The following TSTD2 variants were observed in gnomAD, a reference collection of about 807,000 sequenced individuals.
TSTD2 encodes thiosulfate sulfurtransferase like domain containing 2, also known as thiosulfate sulfurtransferase/rhodanese-like domain-containing protein 2.
TSTD2 carries 37 observed loss-of-function variants against 47.9 expected under a neutral mutation model. That is an observed-to-expected ratio of 0.77 (90% CI 0.59 to 1.02). The LOEUF (loss-of-function observed/expected upper bound fraction) is 1.02. Among genes scored for constraint, TSTD2 ranks in the 50% least tolerant of loss-of-function variants. The pLI is 0.00. For synonymous variants in TSTD2, 201 were observed against 215.9 expected (o/e 0.93, Z 0.61); for missense variants, 586 against 616.0 (o/e 0.95, Z 0.52).
chr9:97,617,891 A>G lies in TSTD2; in HGVS notation c.483-14T>C, dbSNP rs1278502630. 3 of 1,604,938 alleles carry G rather than the reference A, an allele frequency of 1.9e-6. No individual in the cohort carries two copies. The African/African-American group carries it at 4.0e-5, about 22-fold the overall frequency. ...CTGCCCTGGCCACTATAAAATGAAA[A>G]TCCAAGGCAAAGAGCATTTGAGTCG... On this transcript the variant is annotated splice_polypyrimidine_tract_variant and intron_variant, in intron 3 of 9. Coordinates refer to ENST00000341170, the MANE Select transcript of TSTD2 (RefSeq NM_139246.5).
chr9:97,609,818 T>C (rs1223742198), intron 6 of TSTD2, among the ~76,000 whole-genome samples: 1 of 152,176 alleles, frequency 6.6e-6, no homozygotes, highest in Non-Finnish European at 1.5e-5. Context: ...GCATGATAGG[T>C]ACATAGAACT....
At chr9:97,605,759 C>A (rs903709368) in intron 7 of TSTD2, 118 bp from the exon 8 acceptor site, 11 of 1,271,672 alleles carry the variant, frequency 8.7e-6, no homozygotes, top group Non-Finnish European at 1.2e-5. Flanking sequence ...AGTTGCTAAT[C>A]TCATCCCCAC....
At chr9:97,604,411 G>A (rs1016846345) in intron 9 of TSTD2, 2 of 236,998 alleles carry the variant, frequency 8.4e-6, no homozygotes, top group Non-Finnish European at 1.6e-5. Flanking sequence ...TCCAGGTTAA[G>A]AGCCCTGAAT....
intron 1 of TSTD2, among the ~76,000 whole-genome samples, chr9:97,631,008 C>T (rs765465877): frequency 6.6e-6 from 1 of 152,352 alleles, no homozygotes; most frequent in Non-Finnish European, 1.5e-5. Flanking sequence ...TCGTCTTCCC[C>T]AGTCTTCCTT....
In TSTD2 at chr9:97,628,116, G is replaced by A. The variant is rs565942300; in HGVS notation, c.-50-504C>T. Among the ~76,000 whole-genome samples, 23 of 152,330 alleles carry A rather than the reference G, an allele frequency of 1.5e-4. No individual in the cohort carries two copies. In the South Asian group the frequency reaches 4.3e-3, roughly 29 times the overall value. ...ATCAAGATGTGTGCCAGCACCTTCA[G>A]TTATAAACACTTTCTTCTTTTTGCC... On this transcript the variant is annotated intron_variant, in intron 1 of 9. Transcript: ENST00000341170.
chr9:97,601,249 T>C lies in TSTD2; in HGVS notation c.*1220A>G. On this transcript the variant is annotated 3_prime_UTR_variant, in exon 10 of 10. Transcript: ENST00000341170. ...CAATATAATATTAAATCTGTTGGTC[T>C]ATGCATGGCTGCGTATGTGTTTCTT... is the stretch of plus-strand genomic sequence containing the variant. The C allele has an allele frequency of 8.1e-7, 1 of 1,229,424 alleles. No homozygotes were observed. Among genetic ancestry groups the C allele is most frequent in the South Asian group, 1.4e-5 (1 of 69,152 alleles). 76.2% of individuals were successfully genotyped at this position (1,229,424 alleles called of 1,614,324 possible).
chr9:97,628,262 G>T (rs1374769184), intron 1 of TSTD2, among the ~76,000 whole-genome samples: 1 of 152,144 alleles, frequency 6.6e-6, no homozygotes, highest in African/African-American at 2.4e-5. Flanking sequence ...TGTCAAAATG[G>T]ACACACTACA....
chr9:97,602,334 G>T lies in TSTD2; in HGVS notation c.*135C>A. On this transcript the variant is annotated 3_prime_UTR_variant, in exon 10 of 10. Transcript: ENST00000341170. ...TCCTCCCCTCCCGCTGTGAAGTGTAGACGGCTGCCACGGTGGCAGCGGCCA... is the reference window on the plus strand; with the variant it reads ...TCCTCCCCTCCCGCTGTGAAGTGTATACGGCTGCCACGGTGGCAGCGGCCA... 9.4e-7 allele frequency: 1 copy of T among 1,063,990 alleles called. No individual in the cohort carries two copies. The allele number at this position is 1,063,990 out of a possible 1,614,324, so 65.9% of individuals were successfully genotyped here. A position where few individuals can be genotyped will look rare whatever the true frequency, so the allele number is the denominator to read the frequency against.
In TSTD2 at chr9:97,601,760, T is replaced by G. The variant is rs971759133; in HGVS notation, c.*709A>C. On this transcript the variant is annotated 3_prime_UTR_variant, in exon 10 of 10. Coordinates refer to ENST00000341170, the MANE Select transcript of TSTD2 (RefSeq NM_139246.5). ...ACCCTTGAACAATATGGGTTTGAAC[T>G]GCATGGCTGCACTTATATATGGATT... The G allele has an allele frequency of 1.6e-4, 30 of 188,756 alleles. No individual in the cohort carries two copies. The highest frequency in any genetic ancestry group is 2.6e-4 in the Admixed American group (4 of 15,332). The allele number at this position is 188,756 out of a possible 1,614,324, so 11.7% of individuals were successfully genotyped here.
chr9:97,608,755 T>A (rs375258070), intron 6 of TSTD2, among the ~76,000 whole-genome samples: 3 of 152,360 alleles, frequency 2.0e-5, no homozygotes, highest in East Asian at 3.9e-4. Flanking sequence ...GTAGTCATAC[T>A]GCCTCCTGCT....
chr9:97,601,428 C>G lies in TSTD2; in HGVS notation c.*1041G>C. On this transcript the variant is annotated 3_prime_UTR_variant, in exon 10 of 10. Transcript: ENST00000341170. Reference sequence around the variant, plus strand: ...CAAATGTCACCGAGCTTATATGAAGCTCCCAGAGAGAACATTTAAAAGCTC... The same window carrying G: ...CAAATGTCACCGAGCTTATATGAAGGTCCCAGAGAGAACATTTAAAAGCTC... 1 of 1,027,574 alleles carries G rather than the reference C, an allele frequency of 9.7e-7. No individual in the cohort carries two copies. The highest frequency in any genetic ancestry group is 1.2e-6 in the Non-Finnish European group (1 of 854,422). The allele number at this position is 1,027,574 out of a possible 1,614,324, so 63.7% of individuals were successfully genotyped here. A position where few individuals can be genotyped will look rare whatever the true frequency, so the allele number is the denominator to read the frequency against.
rs1414389189 is a variant in TSTD2 at position 97,602,685 on chromosome 9, A to G, written c.1335T>C (p.Pro445=). 6.2e-7 allele frequency: 1 copy of G among 1,614,204 alleles called. No homozygotes were observed. The highest frequency in any genetic ancestry group is 1.1e-5 in the South Asian group (1 of 91,068). Residue 445 remains proline (P), a synonymous_variant, in exon 10 of 10, where the codon CCT becomes CCC. Coordinates refer to ENST00000341170, the MANE Select transcript of TSTD2 (RefSeq NM_139246.5). ...CTGTGAATCCTTGTCCTTGACAGGC[A>G]GGGCAGGTCAAAACGAGCTGGCGGC... ...PQCRQLVLTC[P]ACQGQGFTAC... is the part of the protein sequence containing the mutation.
At chr9:97,632,309 T>C (rs562088838) in intron 1 of TSTD2, among the ~76,000 whole-genome samples, 3 of 152,006 alleles carry the variant, frequency 2.0e-5, no homozygotes, top group Admixed American at 6.5e-5. Context: ...GAAAGAGTGG[T>C]TGGAGTACAG....
At chr9:97,610,290 G>A (rs746837628) in intron 6 of TSTD2, 56 bp downstream of exon 6, 29 of 1,470,112 alleles carry the variant, frequency 2.0e-5, no homozygotes, top group Non-Finnish European at 2.6e-5. Context: ...TTTCTTATTT[G>A]TCTATTAAGT....
intron 1 of TSTD2, among the ~76,000 whole-genome samples, chr9:97,631,943 C>T (rs60359353): frequency 0.024 from 3,665 of 152,260 alleles, 135 homozygotes; most frequent in East Asian, 0.13. Context: ...TCTCATCTAC[C>T]ACTCTCCCGT....
chr9:97,627,294 A>C, intron 2 of TSTD2, 104 bp downstream of exon 2: 1 of 1,468,384 alleles, frequency 6.8e-7, no homozygotes, highest in Non-Finnish European at 9.0e-7. Flanking sequence ...AATGTTCCTG[A>C]CTAGACTTTA....
At chr9:97,610,737 G>A (rs1044195297) in intron 5 of TSTD2, 5 of 213,668 alleles carry the variant, frequency 2.3e-5, no homozygotes, top group Admixed American at 1.8e-4. Context: ...GACTATACCC[G>A]GTTTTCATTC....
At chr9:97,624,396 A>G (rs764123402) in intron 3 of TSTD2, among the ~76,000 whole-genome samples, 11 of 152,176 alleles carry the variant, frequency 7.2e-5, no homozygotes, top group Non-Finnish European at 1.3e-4. Context: ...CACCAACCAC[A>G]TGAGTGAACC....
At chr9:97,603,650 CAT>C (rs550784047) in intron 9 of TSTD2, among the ~76,000 whole-genome samples, 449 of 152,312 alleles carry the variant, frequency 2.9e-3, no homozygotes, top group African/African-American at 0.01. Context: ...TTCCTAAAAT[CAT>C]GTGTGCTACG....
Sources: allele counts gnomAD v4.1 joint callset (sites outside exome capture counted in the v4.1 genomes callset), GRCh38; gene constraint gnomAD v4.1.1; transcripts MANE v1.5; gene names NCBI Gene and HGNC (gene_info 2026-07-23, HGNC 2026-07-21).